PLPPR4: variants seen among roughly 807,000 people sequenced by gnomAD.
PLPPR4 encodes the protein phospholipid phosphatase related 4.
A neutral mutation model predicts 56.6 loss-of-function variants in PLPPR4; 24 were observed. The ratio of observed to expected loss-of-function variants is 0.42; its 90% confidence interval spans 0.31 to 0.60. PLPPR4 has a LOEUF of 0.60. PLPPR4 is among the 20% of genes least tolerant of loss of function. The pLI is 0.13. For missense variants in PLPPR4, 654 were observed against 885.8 expected, an observed-to-expected ratio of 0.74 and a Z score of 3.32; for synonymous variants, 326 against 328.1, an observed-to-expected ratio of 0.99 and a Z score of 0.07.
intron 1 of PLPPR4, among the ~76,000 whole-genome samples, chr1:99,276,933 G>C (rs887633395): frequency 6.6e-6 from 1 of 152,168 alleles, no homozygotes; most frequent in Non-Finnish European, 1.5e-5. Context: ...TTTGGTGAGA[G>C]GGATGAGCAT....
intron 3 of PLPPR4, among the ~76,000 whole-genome samples, chr1:99,297,581 A>T (rs778480362): frequency 6.6e-6 from 1 of 152,148 alleles, no homozygotes; most frequent in Non-Finnish European, 1.5e-5. Flanking sequence ...ATAAGTCCGC[A>T]TAAAGTTATT....
chr1:99,308,189 T>TG lies in PLPPR4; in HGVS notation c.*1181dup, dbSNP rs1660090614. On this transcript the variant is annotated 3_prime_UTR_variant, in exon 7 of 7. Transcript: ENST00000370185. ...GATGACCAGTAAATTAGAGCCACAC[T>TG]GGTTAAGTTTGACTCGTCTCTAAAA... 1 of 152,106 alleles carries TG rather than the reference T, an allele frequency of 6.6e-6. No individual in the cohort carries two copies. The highest frequency in any genetic ancestry group is 2.4e-5 in the African/African-American group (1 of 41,412). The allele number at this position is 152,106 out of a possible 1,614,324, so 9.4% of individuals were successfully genotyped here.
At chr1:99,273,553 A>G (rs712893) in intron 1 of PLPPR4, among the ~76,000 whole-genome samples, 97 of 152,246 alleles carry the variant, frequency 6.4e-4, no homozygotes, top group African/African-American at 2.3e-3. Flanking sequence ...CCTCATGGAT[A>G]GAGTCCAAAA....
At chr1:99,299,264 T>C (rs1440489938) in intron 4 of PLPPR4, 34 bp downstream of exon 4, 1 of 1,492,118 alleles carries the variant, frequency 6.7e-7, no homozygotes, top group Admixed American at 1.7e-5. Flanking sequence ...TCTGCATCAT[T>C]GTTTTCATTA....
At chr1:99,275,531 G>C (rs943479981) in intron 1 of PLPPR4, among the ~76,000 whole-genome samples, 1 of 152,142 alleles carries the variant, frequency 6.6e-6, no homozygotes, top group Non-Finnish European at 1.5e-5. Flanking sequence ...ATTCGTCGTT[G>C]CGTAGGTCAA....
At chr1:99,276,810 T>C (rs570078935) in intron 1 of PLPPR4, among the ~76,000 whole-genome samples, 2 of 152,214 alleles carry the variant, frequency 1.3e-5, no homozygotes, top group East Asian at 3.9e-4. Context: ...AATGGGTGCC[T>C]TTGAAAGATT....
chr1:99,265,957 A>G (rs555740683), intron 1 of PLPPR4, among the ~76,000 whole-genome samples: 53 of 152,346 alleles, frequency 3.5e-4, no homozygotes, highest in Middle Eastern at 6.8e-3. Context: ...CCCTGCATTC[A>G]TGAACCATAG....
At chr1:99,284,560 T>G (rs1659415799) in intron 1 of PLPPR4, among the ~76,000 whole-genome samples, 1 of 151,806 alleles carries the variant, frequency 6.6e-6, no homozygotes, top group African/African-American at 2.4e-5. Context: ...GGATTACAGG[T>G]GTGAGCCACT....
chr1:99,296,940 A>G, intron 3 of PLPPR4, 73 bp downstream of exon 3: 1 of 1,329,668 alleles, frequency 7.5e-7, no homozygotes. Context: ...AATTATAGAT[A>G]TTAAGTCTCG....
At chr1:99,305,601 G>A (rs1660001365) in intron 6 of PLPPR4, 84 bp from the exon 7 acceptor site, 1 of 1,312,266 alleles carries the variant, frequency 7.6e-7, no homozygotes, top group African/African-American at 1.5e-5. Context: ...ATATACCTAT[G>A]TATGTACTTC....
At chr1:99,299,420 T>C (rs1246686112) in intron 4 of PLPPR4, among the ~76,000 whole-genome samples, 190 bp downstream of exon 4, 2 of 152,040 alleles carry the variant, frequency 1.3e-5, no homozygotes, top group African/African-American at 4.8e-5. Context: ...CTTCTCTATG[T>C]CTCCAAATTT....
intron 4 of PLPPR4, among the ~76,000 whole-genome samples, chr1:99,299,454 T>C (rs906228167): frequency 1.3e-5 from 2 of 152,032 alleles, no homozygotes; most frequent in Non-Finnish European, 2.9e-5. Flanking sequence ...TTGCTACTAG[T>C]CCCTATTTCA....
chr1:99,290,831 A>G (rs1659598302), intron 2 of PLPPR4, among the ~76,000 whole-genome samples: 1 of 152,192 alleles, frequency 6.6e-6, no homozygotes, highest in Non-Finnish European at 1.5e-5. Context: ...ACCCAACACT[A>G]TAAAAACCCT....
At chr1:99,289,942 C>A (rs1178863224) in intron 2 of PLPPR4, among the ~76,000 whole-genome samples, 1 of 151,998 alleles carries the variant, frequency 6.6e-6, no homozygotes, top group African/African-American at 2.4e-5. Flanking sequence ...CTGGCCAGAG[C>A]AATCAGACAA....
Position 99,307,025 on chromosome 1 carries a change from A to T in PLPPR4, c.*15A>T. 1 of 1,571,614 alleles carries T rather than the reference A, an allele frequency of 6.4e-7. No homozygotes were observed. Among genetic ancestry groups the T allele is most frequent in the Non-Finnish European group, 8.6e-7 (1 of 1,164,256 alleles). Reference sequence around the variant, plus strand: ...ATAAGGATTGAGTGATGTCCATTCCATCATTAGGGCTACTCGCAAAAGACC... The same window carrying T: ...ATAAGGATTGAGTGATGTCCATTCCTTCATTAGGGCTACTCGCAAAAGACC... On this transcript the variant is annotated 3_prime_UTR_variant, in exon 7 of 7. Coordinates refer to ENST00000370185, the MANE Select transcript of PLPPR4 (RefSeq NM_014839.5).
At chr1:99,263,306 C>T (rs945414399), upstream of PLPPR4, among the ~76,000 whole-genome samples, 4 of 151,918 alleles carry the variant, frequency 2.6e-5, no homozygotes, top group Non-Finnish European at 5.9e-5. Flanking sequence ...AATTGGGAGG[C>T]GGAAACAAGC....
At position 99,296,844 on chromosome 1, in the gene PLPPR4, T is replaced by C. The variant is rs1283730484; in HGVS notation, c.371T>C (p.Leu124Pro). Reference sequence around the variant, plus strand: ...GGAGGCTGCAACTTCAATTCCTTCCTCAGACGAGCTGTCAGATTCGTTGGT... The same window carrying C: ...GGAGGCTGCAACTTCAATTCCTTCCCCAGACGAGCTGTCAGATTCGTTGGT... The part of the protein sequence containing the change: ...NAGGCNFNSF[L>P]RRAVRFVGVH... The change falls in exon 3 of 7, where the codon CTC (leucine) becomes CCC (proline). Residue 124 changes from leucine (L) to proline (P), a missense_variant. Physicochemically the swap from Leu to Pro is moderately conservative, Grantham distance 98. Coordinates refer to ENST00000370185, the MANE Select transcript of PLPPR4 (RefSeq NM_014839.5). The C allele has an allele frequency of 1.3e-6, 2 of 1,587,182 alleles. No individual in the cohort carries two copies. Among genetic ancestry groups the C allele is most frequent in the Non-Finnish European group, 8.6e-7 (1 of 1,162,456 alleles).
chr1:99,284,352 T>A (rs1056525853), intron 1 of PLPPR4, among the ~76,000 whole-genome samples: 1 of 152,130 alleles, frequency 6.6e-6, no homozygotes, highest in African/African-American at 2.4e-5. Context: ...ATATAATGAA[T>A]ATAATGAAGA....
At chr1:99,269,908 T>A (rs1365200280) in intron 1 of PLPPR4, among the ~76,000 whole-genome samples, 2 of 152,052 alleles carry the variant, frequency 1.3e-5, no homozygotes, top group Non-Finnish European at 2.9e-5. Context: ...CTCTCTCCAC[T>A]CAGCATAAAA....
Sources: gnomAD v4.1 joint callset for allele counts (sites outside exome capture counted in the v4.1 genomes callset) on GRCh38, gnomAD v4.1.1 for gene constraint, MANE v1.5 for transcripts, NCBI Gene and HGNC (gene_info 2026-07-23, HGNC 2026-07-21) for gene names.